Variants in CLPB observed in about 807,000 individuals in gnomAD.
CLPB encodes the protein ClpB family mitochondrial disaggregase, also known as mitochondrial disaggregase.
CLPB carries 40 observed loss-of-function variants against 78.4 expected under a neutral mutation model. The ratio of observed to expected loss-of-function variants is 0.51; its 90% confidence interval spans 0.40 to 0.66. The LOEUF is 0.66. Among genes scored for constraint, CLPB ranks in the 30% least tolerant of loss-of-function variants. The pLI, the probability that CLPB is intolerant of heterozygous loss-of-function variation, is 0.00. For missense variants in CLPB, 780 were observed against 886.9 expected (o/e 0.88, Z 1.53); for synonymous variants, 333 against 348.0 (o/e 0.96, Z 0.48).
At chr11:72,432,726 TGAG>T (rs1212437743) in intron 1 of CLPB, among the ~76,000 whole-genome samples, 2 of 152,136 alleles carry the variant, frequency 1.3e-5, no homozygotes, top group Non-Finnish European at 2.9e-5. Context: ...AGAGGACCCG[TGAG>T]GAGAAGCAAA....
intron 4 of CLPB, among the ~76,000 whole-genome samples, chr11:72,376,782 G>A (rs778232505): frequency 2.6e-5 from 4 of 151,810 alleles, no homozygotes; most frequent in Non-Finnish European, 5.9e-5. Context: ...AGTGATTCTC[G>A]TGCCTCAGCC....
chr11:72,395,112 G>A (rs1855367143), intron 3 of CLPB, among the ~76,000 whole-genome samples: 1 of 152,062 alleles, frequency 6.6e-6, no homozygotes, highest in Non-Finnish European at 1.5e-5. Flanking sequence ...GCTCTACACA[G>A]CATCATCTCC....
chr11:72,425,750 C>T (rs1023677272), intron 2 of CLPB, among the ~76,000 whole-genome samples: 1 of 152,206 alleles, frequency 6.6e-6, no homozygotes, highest in South Asian at 2.1e-4. Flanking sequence ...TGCATACCCC[C>T]CAGGCTGCTC....
intron 1 of CLPB, among the ~76,000 whole-genome samples, chr11:72,432,893 G>A (rs1174939231): frequency 2.0e-5 from 3 of 152,146 alleles, no homozygotes; most frequent in Non-Finnish European, 4.4e-5. Flanking sequence ...CAAATTCTCA[G>A]AGCTTGGGGT....
chr11:72,362,499 A>T (rs1411790602), intron 4 of CLPB, among the ~76,000 whole-genome samples: 3 of 152,232 alleles, frequency 2.0e-5, no homozygotes, highest in Non-Finnish European at 4.4e-5. Context: ...TTTTGGAATA[A>T]TAAAAATAAA....
chr11:72,335,728 C>T (rs1484140981), intron 5 of CLPB, among the ~76,000 whole-genome samples: 1 of 152,188 alleles, frequency 6.6e-6, no homozygotes, highest in African/African-American at 2.4e-5. Context: ...AGAAGCCAGA[C>T]ACTGTGTTTG....
At position 72,286,690 on chromosome 11, in the gene CLPB, T is replaced by C. The variant is rs1207354290; in HGVS notation, c.*6677A>G. The C allele has an allele frequency of 6.6e-6, 1 of 152,288 alleles. No homozygotes were observed. Among genetic ancestry groups the C allele is most frequent in the East Asian group, 1.9e-4 (1 of 5,178 alleles). The allele number at this position is 152,288 out of a possible 1,614,324, so 9.4% of individuals were successfully genotyped here. ...GGTTTCACCATGTTGTCCAGGCTGG[T>C]CTCGAACTCCAGACCTAGGTGATCC... On this transcript the variant is annotated 3_prime_UTR_variant, in exon 16 of 16. Coordinates refer to ENST00000538039, the MANE Select transcript of CLPB (RefSeq NM_001258392.3).
chr11:72,432,217 G>T (rs969679680), intron 1 of CLPB, among the ~76,000 whole-genome samples: 2 of 152,114 alleles, frequency 1.3e-5, no homozygotes, highest in Non-Finnish European at 2.9e-5. Flanking sequence ...ATTCCCTGAA[G>T]CCTTTGCATG....
At chr11:72,357,476 C>T (rs1357081058) in intron 5 of CLPB, among the ~76,000 whole-genome samples, 1 of 151,896 alleles carries the variant, frequency 6.6e-6, no homozygotes, top group Non-Finnish European at 1.5e-5. Flanking sequence ...GCGGGTGGAT[C>T]ACCTGAGGTT....
Position 72,293,605 on chromosome 11 carries a change from C to T in CLPB, c.1796G>A (p.Arg599His), listed in dbSNP as rs149463053. Residue 599 changes from arginine (R) to histidine (H), a missense_variant, in exon 16 of 16, where the codon CGT becomes CAT. This residue lies in a region of CLPB where 272 missense variants were observed against 304.0 expected (regional missense o/e 0.89). Transcript: ENST00000538039. ...ARSIKHEVER[R>H]VVNQLAAAYE... Reference sequence around the variant, plus strand: ...GGCTGCTGCCAGCTGGTTCACCACACGGCGTTCTACCTGTCGGTGGGGAGG... The same window carrying T: ...GGCTGCTGCCAGCTGGTTCACCACATGGCGTTCTACCTGTCGGTGGGGAGG... The T allele has an allele frequency of 3.2e-4, 513 of 1,612,288 alleles. 3 individuals are homozygous for T. In the African/African-American group the frequency reaches 4.9e-3, roughly 15 times the overall value.
At chr11:72,355,797 C>CA (rs1456846688) in intron 5 of CLPB, among the ~76,000 whole-genome samples, 1 of 152,202 alleles carries the variant, frequency 6.6e-6, no homozygotes, top group Non-Finnish European at 1.5e-5. Context: ...ACAGCAAGAG[C>CA]AGCTGACTTT....
chr11:72,413,218 G>A (rs60781376), intron 2 of CLPB, among the ~76,000 whole-genome samples: 1 of 152,188 alleles, frequency 6.6e-6, no homozygotes, highest in African/African-American at 2.4e-5. Flanking sequence ...GAACCCTGGA[G>A]GCGGAGGCTG....
At chr11:72,319,275 GAGGTCACTGGTTAC>G (rs1301685887) in intron 6 of CLPB, among the ~76,000 whole-genome samples, 1 of 152,210 alleles carries the variant, frequency 6.6e-6, no homozygotes, top group Non-Finnish European at 1.5e-5. Context: ...CCTGGACCAT[GAGGTCACTGGTTAC>G]AAGACCATGT....
Position 72,289,949 on chromosome 11 carries a change from T to C in CLPB, c.*3418A>G, listed in dbSNP as rs1273239005. On this transcript the variant is annotated 3_prime_UTR_variant, in exon 16 of 16. Transcript: ENST00000538039. ...TTGTATTTGCATGTTTTAACATATA[T>C]ACATATATGTTTTCTAGCTCTGTCT... is the stretch of plus-strand genomic sequence containing the variant. The C allele has an allele frequency of 3.9e-5, 6 of 152,208 alleles. No individual in the cohort carries two copies. The highest frequency in any genetic ancestry group is 8.8e-5 in the Non-Finnish European group (6 of 68,032). 9.4% of individuals were successfully genotyped at this position (152,208 alleles called of 1,614,324 possible). A position where few individuals can be genotyped will look rare whatever the true frequency, so the allele number is the denominator to read the frequency against.
intron 5 of CLPB, among the ~76,000 whole-genome samples, chr11:72,356,147 G>C (rs1317789416): frequency 1.3e-5 from 2 of 152,158 alleles, no homozygotes; most frequent in Non-Finnish European, 2.9e-5. Flanking sequence ...AGCTGGGTGT[G>C]GTGGCACACG....
At chr11:72,392,174 G>A (rs1418840089) in intron 3 of CLPB, among the ~76,000 whole-genome samples, 35 of 152,014 alleles carry the variant, frequency 2.3e-4, no homozygotes, top group Admixed American at 2.3e-3. Flanking sequence ...TTCAGAAGAA[G>A]CTCCTCTAAC....
At chr11:72,338,689 T>C (rs1168765388) in intron 5 of CLPB, among the ~76,000 whole-genome samples, 1 of 152,230 alleles carries the variant, frequency 6.6e-6, no homozygotes, top group Non-Finnish European at 1.5e-5. Context: ...TATTACCTGA[T>C]CACAGACTTT....
intron 7 of CLPB, among the ~76,000 whole-genome samples, chr11:72,309,855 C>T (rs1447613619): frequency 6.6e-6 from 1 of 152,178 alleles, no homozygotes; most frequent in African/African-American, 2.4e-5. Context: ...TGTCAGAGAA[C>T]AAGGCCTGGA....
intron 3 of CLPB, among the ~76,000 whole-genome samples, chr11:72,395,205 T>C (rs777487590): frequency 2.6e-5 from 4 of 152,222 alleles, no homozygotes; most frequent in Admixed American, 6.5e-5. Flanking sequence ...ATCCCTTTTC[T>C]GAGTGTCAGC....
Sources: allele counts gnomAD v4.1 joint callset (sites outside exome capture counted in the v4.1 genomes callset), GRCh38; gene constraint gnomAD v4.1.1; regional missense constraint gnomAD v4.1.1; transcripts MANE v1.5; gene names NCBI Gene and HGNC (gene_info 2026-07-23, HGNC 2026-07-21).